Variants in ACAP3 observed in about 807,000 individuals in gnomAD.
ACAP3 encodes the protein ArfGAP with coiled-coil, ankyrin repeat and PH domains 3.
ACAP3 carries 56 observed loss-of-function variants against 104.1 expected under a neutral mutation model. The observed-to-expected ratio is 0.54, with a 90% CI of 0.43 to 0.67. The LOEUF (loss-of-function observed/expected upper bound fraction) is 0.67, where lower values mean the gene tolerates loss of function less well. Among genes scored for constraint, ACAP3 ranks in the 30% least tolerant of loss-of-function variants. The pLI is 0.00. For synonymous variants in ACAP3, 628 were observed against 496.2 expected, an observed-to-expected ratio of 1.27 and a Z score of -3.53; for missense variants, 1,208 against 1,174.9, an observed-to-expected ratio of 1.03 and a Z score of -0.41.
At position 1,303,663 on chromosome 1, in the gene ACAP3, C is replaced by A. The variant is rs1050231194; in HGVS notation, c.106-382G>T. 1.2e-5 allele frequency: 4 copies of A among 326,978 alleles called. No individual in the cohort carries two copies. Among genetic ancestry groups the A allele is most frequent in the Non-Finnish European group, 2.1e-5 (4 of 186,510 alleles). The allele number at this position is 326,978 out of a possible 1,614,324, so 20.3% of individuals were successfully genotyped here. The stretch of plus-strand genomic sequence containing the variant: ...CTCATGGACACGGCTCCCCTCTCCA[C>A]GGCCTGTTGCCCCCTCTTTCTCAGC... On this transcript the variant is annotated intron_variant, in intron 2 of 23. Coordinates refer to ENST00000354700, the MANE Select transcript of ACAP3 (RefSeq NM_030649.3). This position sits in a 1 kb window ranked among gnomAD's most constrained non-coding sequence, Gnocchi z 4.0.
chr1:1,294,328 T>C, intron 21 of ACAP3, 74 bp downstream of exon 21: 1 of 1,515,658 alleles, frequency 6.6e-7, no homozygotes, highest in Non-Finnish European at 8.9e-7. Flanking sequence ...AGGCGACCCT[T>C]GTGTGGGCGC....
chr1:1,299,955 C>T lies in ACAP3; in HGVS notation c.663+18G>A, dbSNP rs1344106881. On this transcript the variant is annotated intron_variant, in intron 8 of 23. Coordinates refer to ENST00000354700, the MANE Select transcript of ACAP3 (RefSeq NM_030649.3). ...GTCACGGAGGCCTGGCCCAGCCCCA[C>T]CCCTCCCAAAGGCTCACCTCGGCTG... The T allele has an allele frequency of 1.2e-6, 2 of 1,604,076 alleles. No homozygotes were observed. Among genetic ancestry groups the T allele is most frequent in the South Asian group, 1.1e-5 (1 of 90,696 alleles).
Position 1,296,260 on chromosome 1 carries a change from G to T in ACAP3, c.1358C>A (p.Ser453Tyr). 6.4e-7 allele frequency: 1 copy of T among 1,560,634 alleles called. No individual in the cohort carries two copies. The highest frequency in any genetic ancestry group is 1.2e-5 in the South Asian group (1 of 85,302). Reference protein sequence around the residue: ...GIHRSLGVHCSKVRSLTLDSW... With the variant: ...GIHRSLGVHCYKVRSLTLDSW... ...GTCCAGCGTCAGGGACCGCACCTTG[G>T]AGCAGTGGACACCCAGGCTCCTGGA... Residue 453 changes from serine (S) to tyrosine (Y), a missense_variant, in exon 16 of 24, where the codon TCC becomes TAC. Coordinates refer to ENST00000354700, the MANE Select transcript of ACAP3 (RefSeq NM_030649.3).
intron 1 of ACAP3, 101 bp from the exon 2 acceptor site, chr1:1,304,244 G>T: frequency 7.0e-7 from 1 of 1,428,312 alleles, no homozygotes; most frequent in Non-Finnish European, 9.6e-7. Context: ...CATGGGAAGG[G>T]GCTTTCAGGA....
chr1:1,304,425 TCAGGG>T, intron 1 of ACAP3: 1 of 538,552 alleles, frequency 1.9e-6, no homozygotes, highest in Non-Finnish European at 3.3e-6. Context: ...TGGGAGTCCC[TCAGGG>T]ACAGTGCCCA....
rs1346047123 is a variant in ACAP3 at position 1,293,594 on chromosome 1, C to T, written c.2475G>A (p.Glu825=). The change falls in exon 24 of 24, where the codon GAG becomes GAA. Residue 825 remains glutamate, a synonymous_variant. Transcript: ENST00000354700. ...TCTCTTCCAGGTGGAGGCTGATGAA[C>T]TCCTGGATACACCTGCGGAACTGGA... is the stretch of plus-strand genomic sequence containing the variant. The part of the protein sequence containing the change: ...TELQFRRCIQ[E]FISLHLEES The T allele has an allele frequency of 6.7e-7, 1 of 1,487,222 alleles. No individual in the cohort carries two copies. The highest frequency in any genetic ancestry group is 8.9e-7 in the Non-Finnish European group (1 of 1,122,234). The allele number at this position is 1,487,222 out of a possible 1,614,324, so 92.1% of individuals were successfully genotyped here. A position where few individuals can be genotyped will look rare whatever the true frequency, so the allele number is the denominator to read the frequency against.
At chr1:1,299,156 G>T in intron 10 of ACAP3, 189 bp downstream of exon 10, 1 of 738,802 alleles carries the variant, frequency 1.4e-6, no homozygotes, top group Non-Finnish European at 2.2e-6. Flanking sequence ...AGGGACAGCT[G>T]CCGCCAACCC....
At chr1:1,307,683 G>T in intron 1 of ACAP3, 86 bp downstream of exon 1, 1 of 1,042,638 alleles carries the variant, frequency 9.6e-7, no homozygotes. Context: ...CCGGCCCGGC[G>T]CTGACCTCCC....
chr1:1,295,333 CG>C, intron 19 of ACAP3, 113 bp downstream of exon 19: 1 of 966,368 alleles, frequency 1.0e-6, no homozygotes, highest in Non-Finnish European at 1.6e-6. Context: ...GGAGGCCCCC[CG>C]CCCCTTCAGA....
chr1:1,301,426 A>ATTTTTTTT (rs70949569), intron 5 of ACAP3: 1 of 109,978 alleles, frequency 9.1e-6, no homozygotes, highest in Admixed American at 1.0e-4. Context: ...TGCCCATCTA[A>ATTTTTTTT]TTTTTTTTTT....
Position 1,293,842 on chromosome 1 carries a change from T to C in ACAP3, c.2341A>G (p.Asn781Asp). 6.6e-7 allele frequency: 1 copy of C among 1,512,932 alleles called. No individual in the cohort carries two copies. The allele number at this position is 1,512,932 out of a possible 1,614,324, so 93.7% of individuals were successfully genotyped here. A position where few individuals can be genotyped will look rare whatever the true frequency, so the allele number is the denominator to read the frequency against. ...DPLAIAVQAA[N>D]ADIVTLLRLA... ...GCTCACAGTGTCACGATGTCAGCGT[T>C]GGCCGCCTGCACTGCGATGGCCAAC... The change falls in exon 23 of 24, where the codon AAC becomes GAC. Residue 781 changes from asparagine to aspartate, a missense_variant. Physicochemically the swap from Asn to Asp is conservative, Grantham distance 23. Coordinates refer to ENST00000354700, the MANE Select transcript of ACAP3 (RefSeq NM_030649.3).
In ACAP3 at chr1:1,294,083, G is replaced by A; in HGVS notation, c.2249+7C>T. 1.3e-6 allele frequency: 2 copies of A among 1,560,864 alleles called. No individual in the cohort carries two copies. The highest frequency in any genetic ancestry group is 1.7e-6 in the Non-Finnish European group (2 of 1,152,248). Reference sequence around the variant, plus strand: ...GCACAGGGCGGGGCGTGGGTTGCGCGTCTCACCCGGTGCGGCCCAGCAGCG... The same window carrying A: ...GCACAGGGCGGGGCGTGGGTTGCGCATCTCACCCGGTGCGGCCCAGCAGCG... On this transcript the variant is annotated splice_region_variant and intron_variant, in intron 22 of 23. Coordinates refer to ENST00000354700, the MANE Select transcript of ACAP3 (RefSeq NM_030649.3).
Position 1,296,204 on chromosome 1 carries a change from C to T in ACAP3, c.1407+7G>A, listed in dbSNP as rs201281051. On this transcript the variant is annotated splice_region_variant and intron_variant, in intron 16 of 23. Transcript: ENST00000354700. ...GGTCCCGTGGCCTCCAGGAGCCCCA[C>T]ACGCACCTTTAGCAGCTCAGGCTCC... 11 of 1,582,066 alleles carry T rather than the reference C, an allele frequency of 7.0e-6. No homozygotes were observed. The African/African-American group carries it at 1.1e-4, about 15-fold the overall frequency.
chr1:1,307,672 C>T (rs1641802305), intron 1 of ACAP3, 97 bp downstream of exon 1: 2 of 1,023,384 alleles, frequency 2.0e-6, no homozygotes, highest in East Asian at 7.9e-5. Context: ...GCGGCCGCGG[C>T]CCGGCCCGGC....
rs199798094 is a variant in ACAP3, at chr1:1,295,687, C to G, written c.1705+49G>C. 1.2e-3 allele frequency: 1,940 copies of G among 1,562,902 alleles called. 27 individuals carry two copies. The Admixed American group carries it at 0.033, about 27-fold the overall frequency. ...CACCAGCCCCTTGACGGAGTCCATC[C>G]CCGACCAAGGCAAGCCCCTCCCAGC... is the stretch of plus-strand genomic sequence containing the variant. On this transcript the variant is annotated intron_variant, in intron 18 of 23. Transcript: ENST00000354700.
At chr1:1,301,287 T>C (rs1457273278) in intron 5 of ACAP3, among the ~76,000 whole-genome samples, 2 of 129,250 alleles carry the variant, frequency 1.5e-5, no homozygotes, top group Non-Finnish European at 1.6e-5. Context: ...TTTGATGGAG[T>C]CTCTCTCTGT....
chr1:1,307,341 G>A (rs1323400133), intron 1 of ACAP3: 32 of 1,289,596 alleles, frequency 2.5e-5, no homozygotes, highest in African/African-American at 3.0e-5. Flanking sequence ...CCCTACCCCA[G>A]GCCTTAAACG....
In ACAP3 at chr1:1,296,288, G is replaced by A. The variant is rs755219085; in HGVS notation, c.1338-8C>T. ...CAGTGGACACCCAGGCTCCTGGAGA[G>A]CAGAGGTAGGGATGAGTCTGGGGGA... On this transcript the variant is annotated splice_polypyrimidine_tract_variant and splice_region_variant and intron_variant, in intron 15 of 23. Transcript: ENST00000354700. The A allele has an allele frequency of 2.6e-6, 4 of 1,554,830 alleles. No homozygotes were observed. The South Asian group carries it at 4.7e-5, about 18-fold the overall frequency.
chr1:1,293,796 C>CCTGCCCTGGAGGCCCCGCCG, intron 23 of ACAP3, 27 bp downstream of exon 23: 8 of 1,558,502 alleles, frequency 5.1e-6, no homozygotes, highest in Non-Finnish European at 6.9e-6. Flanking sequence ...AGGCCCCGCC[C>CCTGCCCTGGAGGCCCCGCCG]AGCCCCGAGG....
Sources: gnomAD v4.1 joint callset for allele counts (sites outside exome capture counted in the v4.1 genomes callset) on GRCh38, gnomAD v4.1.1 for gene constraint, Gnocchi (gnomAD v3.1) non-coding constraint, MANE v1.5 for transcripts, NCBI Gene and HGNC (gene_info 2026-07-23, HGNC 2026-07-21) for gene names.